The following QTMAN variants were observed in gnomAD, a reference collection of about 807,000 sequenced individuals.
QTMAN encodes the protein queuosine-tRNA mannosyltransferase, also known as tRNA-queuosine alpha-mannosyltransferase.
At chr2:144,077,501 A>G in the QTMAN span, among the ~76,000 whole-genome samples, 1 of 152,184 alleles carries the variant, frequency 6.6e-6, no homozygotes, top group Admixed American at 6.5e-5. Context: ...TTACCTAAAC[A>G]TTTCTCCCAT....
the QTMAN span, among the ~76,000 whole-genome samples, chr2:143,972,845 C>G: frequency 1.3e-5 from 2 of 152,208 alleles, no homozygotes; most frequent in African/African-American, 4.8e-5. Flanking sequence ...TTATTAATAC[C>G]AGGCACTGTC....
the QTMAN span, among the ~76,000 whole-genome samples, chr2:144,128,846 T>C: frequency 2.6e-5 from 4 of 152,008 alleles, no homozygotes. Context: ...GGAAATGTAG[T>C]TGACATTTTT....
chr2:144,139,990 T>C, the QTMAN span, among the ~76,000 whole-genome samples: 21 of 152,224 alleles, frequency 1.4e-4, no homozygotes, highest in African/African-American at 4.8e-4. Flanking sequence ...TATTTTGCCT[T>C]TGGAATTACT....
At chr2:143,972,494 G>A in the QTMAN span, among the ~76,000 whole-genome samples, 1 of 151,650 alleles carries the variant, frequency 6.6e-6, no homozygotes, top group Non-Finnish European at 1.5e-5. Flanking sequence ...GATGAGGTTT[G>A]GAGTTGGGAG....
At chr2:144,331,958 G>A in the QTMAN span, among the ~76,000 whole-genome samples, 1 of 152,184 alleles carries the variant, frequency 6.6e-6, no homozygotes, top group African/African-American at 2.4e-5. Context: ...CCAAGCGCCG[G>A]GCAGCCTGGT....
the QTMAN span, among the ~76,000 whole-genome samples, chr2:143,995,699 A>G: frequency 6.6e-6 from 1 of 152,182 alleles, no homozygotes; most frequent in African/African-American, 2.4e-5. Context: ...GAATTAGTAG[A>G]AATATAATGT....
chr2:143,971,549 A>G, the QTMAN span, among the ~76,000 whole-genome samples: 1 of 152,162 alleles, frequency 6.6e-6, no homozygotes, highest in Non-Finnish European at 1.5e-5. Flanking sequence ...AAAACTCTAC[A>G]ATTAAACAAA....
chr2:144,238,364 G>A, the QTMAN span, among the ~76,000 whole-genome samples: 1 of 152,162 alleles, frequency 6.6e-6, no homozygotes, highest in African/African-American at 2.4e-5. Flanking sequence ...AATGGCAGTG[G>A]AGTTTTCTAC....
chr2:144,294,719 T>C, the QTMAN span, among the ~76,000 whole-genome samples: 2 of 152,322 alleles, frequency 1.3e-5, no homozygotes, highest in East Asian at 3.9e-4. Context: ...TAAAAGAGTC[T>C]ATAAACAAAT....
the QTMAN span, among the ~76,000 whole-genome samples, chr2:144,257,498 T>C: frequency 6.6e-6 from 1 of 152,130 alleles, no homozygotes; most frequent in Non-Finnish European, 1.5e-5. Flanking sequence ...GACACAGCTA[T>C]CACTAGACTA....
chr2:144,062,130 T>C, the QTMAN span, among the ~76,000 whole-genome samples: 1 of 152,204 alleles, frequency 6.6e-6, no homozygotes, highest in Non-Finnish European at 1.5e-5. Flanking sequence ...CTTCACTAGC[T>C]GTTTAACACT....
the QTMAN span, among the ~76,000 whole-genome samples, chr2:144,064,713 AAAC>A: frequency 2.6e-5 from 4 of 152,248 alleles, no homozygotes; most frequent in Non-Finnish European, 4.4e-5. Flanking sequence ...GAGAGGCAAA[AAAC>A]AAAGTCATAT....
the QTMAN span, among the ~76,000 whole-genome samples, chr2:144,182,798 T>TA: frequency 2.3e-4 from 6 of 26,126 alleles, no homozygotes; most frequent in South Asian, 1.5e-3. Context: ...TATATATATA[T>TA]TATATATATA....
chr2:143,996,668 C>T, the QTMAN span, among the ~76,000 whole-genome samples: 1 of 151,998 alleles, frequency 6.6e-6, no homozygotes, highest in Non-Finnish European at 1.5e-5. Context: ...AATTTTCTGC[C>T]AAGTTTGAGG....
At chr2:144,176,267 T>A in the QTMAN span, among the ~76,000 whole-genome samples, 1 of 152,294 alleles carries the variant, frequency 6.6e-6, no homozygotes, top group African/African-American at 2.4e-5. Context: ...AACAATCACA[T>A]GATCATGAGA....
At chr2:144,031,804 CTG>C in the QTMAN span, among the ~76,000 whole-genome samples, 1 of 152,116 alleles carries the variant, frequency 6.6e-6, no homozygotes, top group South Asian at 2.1e-4. Context: ...GTCACCCAGG[CTG>C]GAGTCAGAGG....
chr2:143,958,782 CTTT>C, the QTMAN span, among the ~76,000 whole-genome samples: 5 of 113,336 alleles, frequency 4.4e-5, no homozygotes, highest in East Asian at 2.6e-4. Flanking sequence ...TTCTTTCTTT[CTTT>C]TTTTTTTTTT....
At chr2:144,209,645 A>T in the QTMAN span, among the ~76,000 whole-genome samples, 1 of 152,222 alleles carries the variant, frequency 6.6e-6, no homozygotes, top group African/African-American at 2.4e-5. Flanking sequence ...GCCATTTTTC[A>T]TTTGAATATA....
chr2:144,103,626 C>T, the QTMAN span, among the ~76,000 whole-genome samples: 1 of 151,954 alleles, frequency 6.6e-6, no homozygotes, highest in Non-Finnish European at 1.5e-5. Flanking sequence ...GTATTTATAG[C>T]TACCAAAATT....
Sources: gnomAD v4.1 joint callset for allele counts (sites outside exome capture counted in the v4.1 genomes callset) on GRCh38, gnomAD v4.1.1 for gene constraint, MANE v1.5 for transcripts, NCBI Gene and HGNC (gene_info 2026-07-23, HGNC 2026-07-21) for gene names.